The following SSMEM1 variants were observed in gnomAD, a reference collection of about 807,000 sequenced individuals.
SSMEM1 encodes serine-rich single-pass membrane protein 1.
A neutral mutation model predicts 9.9 loss-of-function variants in SSMEM1; 12 were observed. The ratio of observed to expected loss-of-function variants is 1.21; its 90% CI spans 0.78 to 1.96. The LOEUF (loss-of-function observed/expected upper bound fraction) is 1.96. SSMEM1 is among the 30% of genes most tolerant of loss of function. The pLI is 0.00. For missense variants in SSMEM1, 259 were observed against 292.2 expected (o/e 0.89, Z 0.83); for synonymous variants, 96 against 98.9 (o/e 0.97, Z 0.17).
Position 130,216,596 on chromosome 7 carries a change from C to A in SSMEM1, c.*126C>A. The A allele has an allele frequency of 4.2e-6, 5 of 1,202,552 alleles. No individual in the cohort carries two copies. Among genetic ancestry groups the A allele is most frequent in the African/African-American group, 1.5e-5 (1 of 65,344 alleles). 74.5% of individuals were successfully genotyped at this position (1,202,552 alleles called of 1,614,324 possible). On this transcript the variant is annotated 3_prime_UTR_variant, in exon 3 of 3. Transcript: ENST00000297819. ...CTCTCTACCAACAAACAAAAACATACTTGGAACCCAAGAGGTAAAATCTCA... is the reference window on the plus strand; with the variant it reads ...CTCTCTACCAACAAACAAAAACATAATTGGAACCCAAGAGGTAAAATCTCA...
intron 1 of SSMEM1, 117 bp from the exon 2 acceptor site, chr7:130,213,355 AAATAAAAT>A: frequency 1.6e-6 from 1 of 637,304 alleles, no homozygotes; most frequent in Admixed American, 3.4e-5. Flanking sequence ...AAAAATAAAT[AAATAAAAT>A]AATAAAAAAA....
intron 1 of SSMEM1, among the ~76,000 whole-genome samples, chr7:130,209,178 T>A (rs1798545240): frequency 6.6e-6 from 1 of 152,162 alleles, no homozygotes; most frequent in Admixed American, 6.5e-5. Flanking sequence ...CAAGCTCTTA[T>A]AATTTGCTGA....
intron 2 of SSMEM1, among the ~76,000 whole-genome samples, chr7:130,213,831 A>G (rs1798652510): frequency 6.6e-6 from 1 of 152,226 alleles, no homozygotes; most frequent in Non-Finnish European, 1.5e-5. Context: ...AAGACTTTGC[A>G]CACTAGAGGA....
At chr7:130,207,615 C>G (rs1259718553), upstream of SSMEM1, 5 of 429,634 alleles carry the variant, frequency 1.2e-5, no homozygotes, top group Non-Finnish European at 2.2e-5. Flanking sequence ...ACATTAAACA[C>G]TTAGACGTGA....
intron 2 of SSMEM1, among the ~76,000 whole-genome samples, chr7:130,213,891 G>C (rs1224198479): frequency 6.6e-6 from 1 of 152,096 alleles, no homozygotes; most frequent in Non-Finnish European, 1.5e-5. Context: ...TAGTGCAGAG[G>C]GACAGTTTAG....
chr7:130,214,142 G>A (rs1798658979), intron 2 of SSMEM1, among the ~76,000 whole-genome samples: 1 of 152,164 alleles, frequency 6.6e-6, no homozygotes, highest in South Asian at 2.1e-4. Flanking sequence ...AAATTTTACT[G>A]ATATAAAGGT....
At chr7:130,209,284 G>A (rs1334266758) in intron 1 of SSMEM1, among the ~76,000 whole-genome samples, 2 of 152,332 alleles carry the variant, frequency 1.3e-5, no homozygotes, top group African/African-American at 4.8e-5. Flanking sequence ...GCAGTGGTAA[G>A]ACTTAATGCT....
chr7:130,211,406 G>C (rs76971089), intron 1 of SSMEM1, among the ~76,000 whole-genome samples: 20 of 152,140 alleles, frequency 1.3e-4, no homozygotes, highest in South Asian at 8.3e-4. Flanking sequence ...TGATCTGCCC[G>C]CCTCAGCCTC....
At position 130,216,565 on chromosome 7, in the gene SSMEM1, C is replaced by T. The variant is rs1314624556; in HGVS notation, c.*95C>T. 9 of 1,402,824 alleles carry T rather than the reference C, an allele frequency of 6.4e-6. No homozygotes were observed. The African/African-American group carries it at 1.0e-4, about 16-fold the overall frequency. 86.9% of individuals were successfully genotyped at this position (1,402,824 alleles called of 1,614,324 possible). On this transcript the variant is annotated 3_prime_UTR_variant, in exon 3 of 3. Transcript: ENST00000297819. ...GCTATAGGTGAGGAGACTTTTACAA[C>T]AAAGTCTCTCTACCAACAAACAAAA... is the stretch of plus-strand genomic sequence containing the variant.
chr7:130,205,707 TCA>T (rs1798436971), upstream of SSMEM1, among the ~76,000 whole-genome samples: 1 of 152,212 alleles, frequency 6.6e-6, no homozygotes. Context: ...ATTTATGGAC[TCA>T]CATGTGTAAA....
Position 130,216,443 on chromosome 7 carries a change from C to T in SSMEM1, c.708C>T (p.Asp236=). Residue 236 remains aspartate, a synonymous_variant, in exon 3 of 3, where the codon GAC becomes GAT. Coordinates refer to ENST00000297819, the MANE Select transcript of SSMEM1 (RefSeq NM_145268.4). ...GTCAAGAGGAAAGTTCCATATCTGA[C>T]ATTAACAAGAAATTTAGTAAATTTT... ...RDSQEESSIS[D]INKKFSKF 5 of 1,609,426 alleles carry T rather than the reference C, an allele frequency of 3.1e-6. No homozygotes were observed. Among genetic ancestry groups the T allele is most frequent in the East Asian group, 2.2e-5 (1 of 44,786 alleles).
rs1315126882 is a variant in SSMEM1 at position 130,216,310 on chromosome 7, A to T, written c.575A>T (p.Gln192Leu). The T allele has an allele frequency of 2.5e-6, 4 of 1,614,232 alleles. No homozygotes were observed. The highest frequency in any genetic ancestry group is 3.4e-6 in the Non-Finnish European group (4 of 1,180,044). Reference protein sequence around the residue: ...AQRQRNLGSYQMSERHCLHCK... With the variant: ...AQRQRNLGSYLMSERHCLHCK... ...AGGCAAAGGAATCTGGGAAGTTACC[A>T]AATGAGCGAAAGGCACTGCCTCCAC... Residue 192 changes from glutamine (Q) to leucine (L), a missense_variant, in exon 3 of 3, where the codon CAA (glutamine) becomes CTA (leucine). Coordinates refer to ENST00000297819, the MANE Select transcript of SSMEM1 (RefSeq NM_145268.4).
At chr7:130,207,856 T>A, upstream of SSMEM1, 1 of 1,582,990 alleles carries the variant, frequency 6.3e-7, no homozygotes, top group Non-Finnish European at 8.7e-7. Context: ...GTGAAGTAGT[T>A]CCCAGTCATC....
upstream of SSMEM1, chr7:130,206,844 G>T (rs1798486775): frequency 5.2e-6 from 1 of 191,230 alleles, no homozygotes; most frequent in East Asian, 1.9e-4. Context: ...AAATTAGTAG[G>T]GCGTGGTGGC....
At chr7:130,215,937 C>A (rs1454069310) in intron 2 of SSMEM1, 37 bp from the exon 3 acceptor site, 24 of 1,600,904 alleles carry the variant, frequency 1.5e-5, no homozygotes, top group Non-Finnish European at 2.0e-5. Context: ...TAGTAACCAA[C>A]AATATTACTA....
At chr7:130,205,557 T>C, upstream of SSMEM1, 1 of 918,886 alleles carries the variant, frequency 1.1e-6, no homozygotes. Context: ...GAAACAGGTC[T>C]CGGTTTTGCG....
rs1407338350 is a variant in SSMEM1 at position 130,216,138 on chromosome 7, T to C, written c.403T>C (p.Phe135Leu). Residue 135 changes from phenylalanine to leucine, a missense_variant, in exon 3 of 3, where the codon TTC (phenylalanine) becomes CTC (leucine). Phe to Leu is a conservative substitution (Grantham distance 22). Transcript: ENST00000297819. Reference sequence around the variant, plus strand: ...AAGACGAGCCAGGCGCCAGTCTCAGTTCAATGAGGTGAACCAGAACCAACA... The same window carrying C: ...AAGACGAGCCAGGCGCCAGTCTCAGCTCAATGAGGTGAACCAGAACCAACA... ...EQRRARRQSQFNEVNQNQHDS... is the reference protein window; with the variant it reads ...EQRRARRQSQLNEVNQNQHDS... 2 of 1,614,168 alleles carry C rather than the reference T, an allele frequency of 1.2e-6. No homozygotes were observed. Among genetic ancestry groups the C allele is most frequent in the Admixed American group, 1.7e-5 (1 of 60,014 alleles).
Position 130,208,057 on chromosome 7 carries a change from A to G in SSMEM1, c.147A>G (p.Val49=). The change falls in exon 1 of 3, where the codon GTA becomes GTG. Residue 49 remains valine (V), a synonymous_variant. Transcript: ENST00000297819. ...TCCTGCTTTGGTATTTTGTTATCGT[A>G]TTTGTCCTGATGTTCTTCTCTAGGG... The part of the protein sequence containing the change: ...GSFLLWYFVI[V]FVLMFFSRAS... The G allele has an allele frequency of 6.2e-7, 1 of 1,613,850 alleles. No homozygotes were observed. Among genetic ancestry groups the G allele is most frequent in the Non-Finnish European group, 8.5e-7 (1 of 1,179,916 alleles).
intron 2 of SSMEM1, among the ~76,000 whole-genome samples, chr7:130,213,841 A>G (rs1402878429): frequency 6.6e-6 from 1 of 152,196 alleles, no homozygotes; most frequent in African/African-American, 2.4e-5. Context: ...ACACTAGAGG[A>G]GGCCCATTGG....
Sources: allele counts gnomAD v4.1 joint callset (sites outside exome capture counted in the v4.1 genomes callset), GRCh38; gene constraint gnomAD v4.1.1; transcripts MANE v1.5; gene names NCBI Gene and HGNC (gene_info 2026-07-23, HGNC 2026-07-21).